The following MACF1 variants were observed in gnomAD, a reference collection of about 807,000 sequenced individuals.
MACF1 encodes the protein microtubule actin crosslinking factor 1.
In MACF1, 193 loss-of-function variants were observed where a neutral mutation model predicts 854.8. The ratio of observed to expected loss-of-function variants is 0.23; its 90% CI spans 0.20 to 0.25. MACF1 has a LOEUF of 0.25. Ranked by LOEUF, MACF1 falls within the 10% of genes least tolerant of loss-of-function variation. The pLI is 1.00. For missense variants in MACF1, 7,722 were observed against 8,929.1 expected (o/e 0.86, Z 5.45); for synonymous variants, 3,185 against 3,226.7 (o/e 0.99, Z 0.44).
chr1:39,437,622 T>A (rs1307232604), intron 70 of MACF1, 155 bp from the exon 71 acceptor site: 1 of 706,540 alleles, frequency 1.4e-6, no homozygotes, highest in Non-Finnish European at 2.5e-6. Context: ...CAAAACAGTT[T>A]CTTAACCAAA....
intron 3 of MACF1, among the ~76,000 whole-genome samples, chr1:39,250,565 T>G (rs558093845): frequency 1.1e-4 from 16 of 152,280 alleles, no homozygotes; most frequent in Non-Finnish European, 1.6e-4. Context: ...AAAGCCCAGG[T>G]GTATGAAGTT....
chr1:39,451,249 G>T (rs1163077324), intron 85 of MACF1, 38 bp downstream of exon 85: 1 of 1,596,724 alleles, frequency 6.3e-7, no homozygotes, highest in Non-Finnish European at 8.5e-7. Flanking sequence ...AGTGCAGTGG[G>T]TCTTCTGTAT....
rs765653630 is a variant in MACF1, at chr1:39,469,605, G to A, written c.21948G>A (p.Gln7316=). 1.6e-5 allele frequency: 25 copies of A among 1,550,372 alleles called. No homozygotes were observed. Among genetic ancestry groups the A allele is most frequent in the Non-Finnish European group, 2.2e-5 (25 of 1,146,946 alleles). Residue 7316 remains glutamine, a synonymous_variant, in exon 97 of 101, where the codon CAG becomes CAA. Transcript: ENST00000564288. ...RSDSSSSISS[Q]SPIARGRTNI... ...ATTCCAGCTCTTCGATTTCCAGTCAGTCTCCCATAGGTTGGCTTTTAAGCT... is the reference window on the plus strand; with the variant it reads ...ATTCCAGCTCTTCGATTTCCAGTCAATCTCCCATAGGTTGGCTTTTAAGCT...
chr1:39,296,671 A>C (rs1418050668), intron 20 of MACF1, among the ~76,000 whole-genome samples: 1 of 151,476 alleles, frequency 6.6e-6, no homozygotes, highest in Non-Finnish European at 1.5e-5. Flanking sequence ...CAGAGGTTGC[A>C]GTGAGCCAAG....
intron 95 of MACF1, among the ~76,000 whole-genome samples, chr1:39,465,502 G>A (rs1346685838): frequency 6.6e-6 from 1 of 152,142 alleles, no homozygotes; most frequent in Non-Finnish European, 1.5e-5. Flanking sequence ...AAGAACTTCA[G>A]TACTATTTAA....
rs183720976 is a variant in MACF1, at chr1:39,383,958, G to T, written c.13849-1476G>T. Among the ~76,000 whole-genome samples the T allele has an allele frequency of 2.4e-4, 36 of 152,154 alleles. 1 individual carries two copies. The highest frequency in any genetic ancestry group is 8.7e-4 in the African/African-American group (36 of 41,500). On this transcript the variant is annotated intron_variant, in intron 56 of 100. Transcript: ENST00000564288. ...TAGGCTATTCTGCTTCTGCATATCT[G>T]TTACAATATCGAATGCCATGTAGCT...
At chr1:39,143,838 G>A (rs754544603) in intron 2 of MACF1, among the ~76,000 whole-genome samples, 7 of 151,992 alleles carry the variant, frequency 4.6e-5, no homozygotes, top group Non-Finnish European at 1.0e-4. Flanking sequence ...GCAGTGGCGC[G>A]ATCTTCACTC....
intron 6 of MACF1, among the ~76,000 whole-genome samples, chr1:39,264,705 C>T (rs529411508): frequency 2.3e-3 from 326 of 143,810 alleles, no homozygotes; most frequent in Non-Finnish European, 3.9e-3. Flanking sequence ...CTCGCTCTGT[C>T]GCCCAGGCCG....
At chr1:39,484,757 G>C (rs568550959) in intron 100 of MACF1, 27 bp downstream of exon 100, 1 of 1,614,058 alleles carries the variant, frequency 6.2e-7, no homozygotes, top group Non-Finnish European at 8.5e-7. Flanking sequence ...TGACCTACAA[G>C]CCAGGCTGAG....
At chr1:39,249,553 G>T (rs1645017630) in intron 2 of MACF1, among the ~76,000 whole-genome samples, 1 of 152,316 alleles carries the variant, frequency 6.6e-6, no homozygotes, top group African/African-American at 2.4e-5. Context: ...AATATTTGGT[G>T]TAAGAGAAGG....
chr1:39,366,018 A>T (rs539106363), intron 49 of MACF1, among the ~76,000 whole-genome samples: 2 of 152,252 alleles, frequency 1.3e-5, no homozygotes, highest in East Asian at 3.9e-4. Context: ...GTTTCCATTC[A>T]TGTACCAGAG....
At position 39,223,038 on chromosome 1, in the gene MACF1, TGCAATAA is replaced by T. The variant is rs202066947; in HGVS notation, c.110-8140_110-8134del. ...GATAAACAAGTAAACAGTGATACCA[TGCAATAA>T]GCACACAAACTAGTGTGTGTAAGAG... is the stretch of plus-strand genomic sequence containing the variant. On this transcript the variant is annotated intron_variant, in intron 1 of 100. Coordinates refer to ENST00000564288, the MANE Select transcript of MACF1 (RefSeq NM_001394062.1). Among the ~76,000 whole-genome samples, 752 of 152,284 alleles carry T rather than the reference TGCAATAA, an allele frequency of 4.9e-3. 8 individuals carry two copies. Among genetic ancestry groups the T allele is most frequent in the African/African-American group, 0.017 (706 of 41,564 alleles).
intron 83 of MACF1, 113 bp from the exon 84 acceptor site, chr1:39,448,481 T>G: frequency 1.2e-6 from 1 of 820,192 alleles, no homozygotes; most frequent in Non-Finnish European, 1.8e-6. Context: ...TCAAAAAAAG[T>G]GGTGATATTC....
intron 5 of MACF1, among the ~76,000 whole-genome samples, chr1:39,255,736 A>G (rs911711052): frequency 6.6e-6 from 1 of 152,224 alleles, no homozygotes; most frequent in Non-Finnish European, 1.5e-5. Context: ...TGCTGAAATA[A>G]ATTGATAAAT....
chr1:39,237,566 AT>A (rs1644873430), intron 2 of MACF1, among the ~76,000 whole-genome samples: 1 of 152,178 alleles, frequency 6.6e-6, no homozygotes, highest in East Asian at 1.9e-4. Context: ...TATCCCCTTA[AT>A]TTTAACAGCT....
chr1:39,230,049 C>A (rs1020393700), intron 1 of MACF1, among the ~76,000 whole-genome samples: 1 of 152,152 alleles, frequency 6.6e-6, no homozygotes, highest in Non-Finnish European at 1.5e-5. Context: ...ATGTGTGTCC[C>A]AAATGCCAAG....
intron 2 of MACF1, among the ~76,000 whole-genome samples, chr1:39,086,538 A>T (rs1641678437): frequency 6.6e-6 from 1 of 152,254 alleles, no homozygotes; most frequent in Non-Finnish European, 1.5e-5. Context: ...CTGATGACTC[A>T]TAAACCTCTT....
chr1:39,166,645 G>T (rs1643886001), intron 2 of MACF1, among the ~76,000 whole-genome samples: 1 of 151,672 alleles, frequency 6.6e-6, no homozygotes, highest in African/African-American at 2.4e-5. Flanking sequence ...TAGAGACGGG[G>T]TTTCACCATG....
chr1:39,484,260 T>G lies in MACF1; in HGVS notation c.22282-341T>G, dbSNP rs1483589678. Among the ~76,000 whole-genome samples the G allele has an allele frequency of 4.6e-5, 7 of 152,248 alleles. No homozygotes were observed. In the South Asian group the frequency reaches 1.2e-3, roughly 27 times the overall value. On this transcript the variant is annotated intron_variant, in intron 99 of 100. Coordinates refer to ENST00000564288, the MANE Select transcript of MACF1 (RefSeq NM_001394062.1). ...AACCCCAAAATCTTGATACCTAGTA[T>G]TATTTGAATTTCTTTTTCCTTTACT... is the stretch of plus-strand genomic sequence containing the variant.
Sources: gnomAD v4.1 joint callset for allele counts (sites outside exome capture counted in the v4.1 genomes callset) on GRCh38, gnomAD v4.1.1 for gene constraint, MANE v1.5 for transcripts, NCBI Gene and HGNC (gene_info 2026-07-23, HGNC 2026-07-21) for gene names.